The following CD36 variants were observed in gnomAD, a reference collection of about 807,000 sequenced individuals.
CD36 encodes CD36 molecule (CD36 blood group), also known as platelet glycoprotein 4.
In CD36, 119 loss-of-function variants were observed where a neutral mutation model predicts 55.2. The observed-to-expected ratio is 2.15, with a 90% CI of 1.86 to 2.51. CD36 has a LOEUF of 2.51. CD36 is among the 30% of genes most tolerant of loss of function. CD36 has a pLI of 0.00. For synonymous variants in CD36, 186 were observed against 193.6 expected (o/e 0.96, Z 0.33); for missense variants, 819 against 555.5 (o/e 1.47, Z -4.77).
intron 1 of CD36, among the ~76,000 whole-genome samples, chr7:80,609,652 A>G (rs1792763331): frequency 6.6e-6 from 1 of 152,234 alleles, no homozygotes; most frequent in Non-Finnish European, 1.5e-5. Flanking sequence ...CTACTGATTG[A>G]TAAAATATTT....
intron 7 of CD36, among the ~76,000 whole-genome samples, chr7:80,665,719 T>C (rs1252599288): frequency 6.6e-6 from 1 of 152,086 alleles, no homozygotes; most frequent in Non-Finnish European, 1.5e-5. Flanking sequence ...CTGAACATGA[T>C]TAACCACTTA....
At chr7:80,639,972 G>A (rs1794700355) in intron 1 of CD36, 1 of 151,900 alleles carries the variant, frequency 6.6e-6, no homozygotes. Flanking sequence ...TACCTTGGAA[G>A]TTATAGTTGC....
chr7:80,612,466 A>G (rs1435149417), intron 1 of CD36, among the ~76,000 whole-genome samples: 1 of 152,240 alleles, frequency 6.6e-6, no homozygotes, highest in Non-Finnish European at 1.5e-5. Context: ...AAAGCTTCTT[A>G]TGAAGAAATT....
upstream of CD36, among the ~76,000 whole-genome samples, chr7:80,635,112 A>T (rs1173022839): frequency 6.6e-6 from 1 of 152,110 alleles, no homozygotes; most frequent in African/African-American, 2.4e-5. Flanking sequence ...GGGAAGGTTA[A>T]CACACACTTA....
At chr7:80,659,295 G>T (rs1305538175) in intron 4 of CD36, among the ~76,000 whole-genome samples, 1 of 152,070 alleles carries the variant, frequency 6.6e-6, no homozygotes, top group Non-Finnish European at 1.5e-5. Flanking sequence ...GGCTGTATTT[G>T]GCCATTGTCT....
Position 80,664,427 on chromosome 7 carries a change from G to A in CD36, c.631G>A (p.Val211Ile). 6.4e-7 allele frequency: 1 copy of A among 1,568,296 alleles called. No homozygotes were observed. Among genetic ancestry groups the A allele is most frequent in the Non-Finnish European group, 8.8e-7 (1 of 1,138,650 alleles). Residue 211 changes from valine to isoleucine, a missense_variant, in exon 7 of 15, where the codon GTT becomes ATT. Physicochemically the swap from Val to Ile is conservative, Grantham distance 29. Coordinates refer to ENST00000447544, the MANE Select transcript of CD36 (RefSeq NM_001001548.3). The part of the protein sequence containing the change: ...FYPYNNTADG[V>I]YKVFNGKDNI... ...TCAGTACAACAATACTGCAGATGGA[G>A]TTTATAAAGTTTTCAATGGAAAAGA...
At chr7:80,618,901 A>G (rs1162934980) in intron 1 of CD36, among the ~76,000 whole-genome samples, 1 of 152,240 alleles carries the variant, frequency 6.6e-6, no homozygotes, top group Non-Finnish European at 1.5e-5. Flanking sequence ...AGGTGGCTAC[A>G]CTAAACAATA....
At chr7:80,667,516 C>T (rs981699350) in intron 8 of CD36, among the ~76,000 whole-genome samples, 3 of 142,928 alleles carry the variant, frequency 2.1e-5, no homozygotes, top group Middle Eastern at 3.8e-3. Flanking sequence ...TACTAGGAAA[C>T]AAAAGCATGA....
In CD36 at chr7:80,673,755, TTGA is replaced by T. The variant is rs1797964168; in HGVS notation, c.1255-226_1255-224del. On this transcript the variant is annotated intron_variant, in intron 13 of 14. Transcript: ENST00000447544. ...TGGAGCAAATGAAACTGTTGACCCT[TTGA>T]TAGTTCTGAAGAGCAAATGAATCCT... 12 of 583,478 alleles carry T rather than the reference TTGA, an allele frequency of 2.1e-5. No homozygotes were observed. In the Admixed American group the frequency reaches 3.3e-4, roughly 16 times the overall value. The allele number at this position is 583,478 out of a possible 1,614,324, so 36.1% of individuals were successfully genotyped here.
chr7:80,656,365 T>C (rs1796064435), intron 3 of CD36, among the ~76,000 whole-genome samples, 175 bp from the exon 4 acceptor site: 1 of 152,156 alleles, frequency 6.6e-6, no homozygotes, highest in Admixed American at 6.6e-5. Context: ...GCTGTAATAA[T>C]AATTTGTTGA....
At chr7:80,647,246 A>G in intron 3 of CD36, 1 of 251,756 alleles carries the variant, frequency 4.0e-6, no homozygotes, top group East Asian at 9.6e-5. Context: ...GTTAATACTG[A>G]GAAAAGTAAA....
At chr7:80,666,422 A>G (rs1317126802) in intron 7 of CD36, 21 bp from the exon 8 acceptor site, 5 of 1,524,232 alleles carry the variant, frequency 3.3e-6, no homozygotes, top group Non-Finnish European at 4.5e-6. Context: ...ATGTTTATTC[A>G]TTGTCTTTTT....
At chr7:80,625,918 C>T (rs991628014) in intron 1 of CD36, among the ~76,000 whole-genome samples, 71 of 152,098 alleles carry the variant, frequency 4.7e-4, no homozygotes, top group African/African-American at 1.6e-3. Context: ...CTTAGCACTG[C>T]GAATAATCCA....
At position 80,642,292 on chromosome 7, in the gene CD36, C is replaced by T. The variant is rs149709642; in HGVS notation, c.-184+3546C>T. ...TTAGTAAAGAATAAAATTTAATCTA[C>T]AATTAGCAAATGAAATTAATTACCT... On this transcript the variant is annotated intron_variant, in intron 1 of 14. Coordinates refer to ENST00000447544, the MANE Select transcript of CD36 (RefSeq NM_001001548.3). Among the ~76,000 whole-genome samples, 810 of 152,176 alleles carry T rather than the reference C, an allele frequency of 5.3e-3. 4 individuals carry two copies. The highest frequency in any genetic ancestry group is 8.6e-3 in the Non-Finnish European group (586 of 67,988).
intron 1 of CD36, among the ~76,000 whole-genome samples, chr7:80,602,594 C>G (rs1792301154): frequency 6.6e-6 from 1 of 152,092 alleles, no homozygotes; most frequent in Admixed American, 6.6e-5. Context: ...CCTCACATAT[C>G]CACAAGTCTC....
At chr7:80,605,277 G>A (rs766207928) in intron 1 of CD36, among the ~76,000 whole-genome samples, 1 of 152,122 alleles carries the variant, frequency 6.6e-6, no homozygotes, top group Non-Finnish European at 1.5e-5. Flanking sequence ...TTTAGGAAAT[G>A]CTATTAGAAG....
intron 1 of CD36, chr7:80,625,018 T>G (rs2115961479): frequency 6.6e-6 from 1 of 152,208 alleles, no homozygotes; most frequent in Middle Eastern, 3.4e-3. Flanking sequence ...AGAGGTGACT[T>G]TGAACATTTA....
At chr7:80,616,689 A>G (rs1311695970) in intron 1 of CD36, among the ~76,000 whole-genome samples, 1 of 152,162 alleles carries the variant, frequency 6.6e-6, no homozygotes, top group Non-Finnish European at 1.5e-5. Context: ...TTTTGTTCAT[A>G]TAATAAGGAG....
At chr7:80,616,456 C>T (rs1245541009) in intron 1 of CD36, among the ~76,000 whole-genome samples, 3 of 108,084 alleles carry the variant, frequency 2.8e-5, no homozygotes, top group Admixed American at 1.7e-4. Flanking sequence ...TGTGCCTGCA[C>T]GCACACACAC....
Sources: gnomAD v4.1 joint callset for allele counts (sites outside exome capture counted in the v4.1 genomes callset) on GRCh38, gnomAD v4.1.1 for gene constraint, MANE v1.5 for transcripts, NCBI Gene and HGNC (gene_info 2026-07-23, HGNC 2026-07-21) for gene names.